Variants in NR3C2 observed in about 807,000 individuals in gnomAD.
NR3C2 encodes nuclear receptor subfamily 3 group C member 2, also known as mineralocorticoid receptor.
In NR3C2, 15 loss-of-function variants were observed where a neutral mutation model predicts 86.4. The ratio of observed to expected loss-of-function variants is 0.17; its 90% CI spans 0.12 to 0.27. The LOEUF is 0.27. Ranked by LOEUF, NR3C2 falls within the 10% of genes least tolerant of loss-of-function variation. The probability of loss-of-function intolerance (pLI) is 1.00; values close to 1 mark genes in which losing one functional copy is unlikely to be tolerated. For missense variants in NR3C2, 960 were observed against 1,195.6 expected (o/e 0.80, Z 2.91); for synonymous variants, 458 against 450.5 (o/e 1.02, Z -0.21).
chr4:148,274,805 C>T (rs1393112977), intron 2 of NR3C2, among the ~76,000 whole-genome samples: 1 of 148,280 alleles, frequency 6.7e-6, no homozygotes, highest in Non-Finnish European at 1.5e-5. Flanking sequence ...TCACGTGATT[C>T]TCCCACCTCA....
chr4:148,358,974 A>ACG (rs1745705905), intron 2 of NR3C2, among the ~76,000 whole-genome samples: 1 of 152,102 alleles, frequency 6.6e-6, no homozygotes, highest in South Asian at 2.1e-4. Context: ...ACACGCACAC[A>ACG]CACACACACA....
At chr4:148,257,882 T>A (rs1739906986) in intron 3 of NR3C2, among the ~76,000 whole-genome samples, 1 of 152,136 alleles carries the variant, frequency 6.6e-6, no homozygotes. Context: ...TTAATACAAG[T>A]CTTAAAAGGC....
At chr4:148,296,410 G>A (rs1742059834) in intron 2 of NR3C2, among the ~76,000 whole-genome samples, 2 of 152,102 alleles carry the variant, frequency 1.3e-5, no homozygotes, top group Admixed American at 1.3e-4. Context: ...ATATTCTACA[G>A]TGAAAGAGAA....
At chr4:148,396,315 T>C (rs1747859013) in intron 2 of NR3C2, among the ~76,000 whole-genome samples, 1 of 152,186 alleles carries the variant, frequency 6.6e-6, no homozygotes, top group Non-Finnish European at 1.5e-5. Context: ...GTAATAAAAC[T>C]TGAAATAGTT....
chr4:148,239,060 G>C (rs1738885309), intron 3 of NR3C2, among the ~76,000 whole-genome samples: 1 of 152,220 alleles, frequency 6.6e-6, no homozygotes, highest in African/African-American at 2.4e-5. Context: ...CTGAAGAATA[G>C]ACGTAGAGGC....
At chr4:148,299,410 G>A (rs904555432) in intron 2 of NR3C2, among the ~76,000 whole-genome samples, 7 of 152,092 alleles carry the variant, frequency 4.6e-5, no homozygotes, top group Admixed American at 1.3e-4. Context: ...GGTCCAACCC[G>A]GACTTTTCTA....
rs532536167 is a variant in NR3C2 at position 148,336,063 on chromosome 4, T to G, written c.1758-75946A>C. ...AGGCCAAGCATGCTATTTCCCTCTC[T>G]TGCCTTGAGTGATAGTGTCTCAGAG... On this transcript the variant is annotated intron_variant, in intron 2 of 8. Coordinates refer to ENST00000358102, the MANE Select transcript of NR3C2 (RefSeq NM_000901.5). Among the ~76,000 whole-genome samples the G allele has an allele frequency of 1.5e-4, 23 of 152,288 alleles. No individual in the cohort carries two copies. The South Asian group carries it at 4.6e-3, about 30-fold the overall frequency.
At chr4:148,321,942 G>C (rs898413851) in intron 2 of NR3C2, among the ~76,000 whole-genome samples, 4 of 152,098 alleles carry the variant, frequency 2.6e-5, no homozygotes, top group African/African-American at 9.7e-5. Flanking sequence ...TGGTTATTTT[G>C]CTCATTATTT....
chr4:148,316,970 T>A (rs1263397667), intron 2 of NR3C2, among the ~76,000 whole-genome samples: 5 of 151,964 alleles, frequency 3.3e-5, no homozygotes, highest in African/African-American at 1.2e-4. Context: ...TCCAGCTAAT[T>A]TTTGTAGAGA....
At chr4:148,412,809 G>A (rs1447110970) in intron 2 of NR3C2, among the ~76,000 whole-genome samples, 1 of 112,872 alleles carries the variant, frequency 8.9e-6, no homozygotes, top group Non-Finnish European at 1.8e-5. Context: ...GCATACACAG[G>A]TGCACATGTG....
intron 3 of NR3C2, among the ~76,000 whole-genome samples, chr4:148,196,759 A>C (rs761032133): frequency 6.6e-6 from 1 of 152,236 alleles, no homozygotes; most frequent in Non-Finnish European, 1.5e-5. Context: ...TGAAGAAATG[A>C]AACCCTGCCA....
intron 2 of NR3C2, among the ~76,000 whole-genome samples, chr4:148,343,311 A>C (rs929483008): frequency 1.3e-5 from 2 of 152,128 alleles, no homozygotes; most frequent in African/African-American, 4.8e-5. Context: ...AGAACTGCTA[A>C]GTAAGAGGGT....
Position 148,154,613 on chromosome 4 carries a change from G to A in NR3C2, c.2303C>T (p.Thr768Met), listed in dbSNP as rs766656170. The change falls in exon 5 of 9, where the codon ACG becomes ATG. Residue 768 changes from threonine to methionine, a missense_variant. By Grantham distance (81) the Thr-to-Met change is moderately conservative. Transcript: ENST00000358102. ...CTGTTTGCCTGCTAAGCGGTTGAGC[G>A]TGGAGAGCAGATTTTCGGCTGTATC... ...KPDTAENLLS[T>M]LNRLAGKQMI... 3.1e-6 allele frequency: 5 copies of A among 1,614,068 alleles called. No homozygotes were observed. Among genetic ancestry groups the A allele is most frequent in the South Asian group, 1.1e-5 (1 of 91,080 alleles).
At chr4:148,098,791 A>G (rs979096801) in intron 8 of NR3C2, among the ~76,000 whole-genome samples, 1 of 152,210 alleles carries the variant, frequency 6.6e-6, no homozygotes, top group South Asian at 2.1e-4. Context: ...TAATTGGTCA[A>G]TTGGCATCTT....
At chr4:148,293,855 C>G (rs553863833) in intron 2 of NR3C2, among the ~76,000 whole-genome samples, 1 of 152,234 alleles carries the variant, frequency 6.6e-6, no homozygotes, top group African/African-American at 2.4e-5. Flanking sequence ...ACAAGATTTA[C>G]CACCCACCAG....
At chr4:148,248,559 C>G (rs1739426167) in intron 3 of NR3C2, among the ~76,000 whole-genome samples, 1 of 148,530 alleles carries the variant, frequency 6.7e-6, no homozygotes, top group Non-Finnish European at 1.5e-5. Context: ...ACTATCTTTG[C>G]TCTTTGTCTG....
chr4:148,370,103 T>C (rs961628674), intron 2 of NR3C2, among the ~76,000 whole-genome samples: 6 of 152,146 alleles, frequency 3.9e-5, no homozygotes, highest in Non-Finnish European at 7.4e-5. Context: ...CCCATAGGGA[T>C]AGATGGCCAG....
intron 2 of NR3C2, among the ~76,000 whole-genome samples, chr4:148,261,629 G>GAA (rs1454159972): frequency 2.0e-5 from 3 of 152,180 alleles, no homozygotes; most frequent in Admixed American, 1.3e-4. Context: ...AGGGGGCTCA[G>GAA]AGAAATGGGA....
chr4:148,300,587 C>CT lies in NR3C2; in HGVS notation c.1758-40471_1758-40470insA, dbSNP rs1561027556. ...TTTTTCTCCATTTTGCCTTGCTACT[C>CT]ATTTTTTTTTTTTTTTTTTGACAGA... is the stretch of plus-strand genomic sequence containing the variant. On this transcript the variant is annotated intron_variant, in intron 2 of 8. Coordinates refer to ENST00000358102, the MANE Select transcript of NR3C2 (RefSeq NM_000901.5). 2.9e-3 allele frequency among the ~76,000 whole-genome samples: 199 copies of CT among 67,826 alleles called. 2 individuals are homozygous for CT. Among genetic ancestry groups the CT allele is most frequent in the African/African-American group, 9.0e-3 (190 of 21,166 alleles). 44.5% of individuals were successfully genotyped at this position (67,826 alleles called of 152,430 possible). A position where few individuals can be genotyped will look rare whatever the true frequency, so the allele number is the denominator to read the frequency against.
Sources: allele counts gnomAD v4.1 joint callset (sites outside exome capture counted in the v4.1 genomes callset), GRCh38; gene constraint gnomAD v4.1.1; transcripts MANE v1.5; gene names NCBI Gene and HGNC (gene_info 2026-07-23, HGNC 2026-07-21).